Variants in GCN1 observed in about 807,000 individuals in gnomAD.
GCN1 encodes the protein stalled ribosome sensor GCN1.
GCN1 carries 90 observed loss-of-function variants against 288.4 expected under a neutral mutation model. That is an observed-to-expected ratio of 0.31 (90% CI 0.26 to 0.37). The LOEUF (loss-of-function observed/expected upper bound fraction) is 0.37, where lower values mean the gene tolerates loss of function less well. Ranked by LOEUF, GCN1 falls within the 10% of genes least tolerant of loss-of-function variation. The pLI is 1.00. For missense variants in GCN1, 2,586 were observed against 3,419.9 expected (o/e 0.76, Z 6.08); for synonymous variants, 1,386 against 1,420.2 (o/e 0.98, Z 0.54).
Position 120,178,872 on chromosome 12 carries a change from G to A in GCN1, c.505C>T (p.Leu169Phe), listed in dbSNP as rs896344337. The A allele has an allele frequency of 1.2e-6, 2 of 1,614,032 alleles. No homozygotes were observed. Among genetic ancestry groups the A allele is most frequent in the African/African-American group, 1.3e-5 (1 of 74,944 alleles). ...KHAVDGAVKK[L>F]TKLWKENPGL... ...GTCACCTCTTTCCACAGCTTCGTGA[G>A]TTTCTTCACAGCACCATCCACGGCG... Residue 169 changes from leucine (L) to phenylalanine (F), a missense_variant, in exon 6 of 58, where the codon CTC (leucine) becomes TTC (phenylalanine). Around this residue, in one of 8 missense-constraint regions of GCN1, gnomAD observed 913 missense variants for 1,107.0 expected, o/e 0.82. Coordinates refer to ENST00000300648, the MANE Select transcript of GCN1 (RefSeq NM_006836.2).
rs776782427 is a variant in GCN1, at chr12:120,158,038, A to G, written c.2906-8T>C. 1.2e-6 allele frequency: 2 copies of G among 1,613,096 alleles called. No homozygotes were observed. Among genetic ancestry groups the G allele is most frequent in the Non-Finnish European group, 1.7e-6 (2 of 1,179,502 alleles). On this transcript the variant is annotated splice_polypyrimidine_tract_variant and splice_region_variant and intron_variant, in intron 25 of 57. Coordinates refer to ENST00000300648, the MANE Select transcript of GCN1 (RefSeq NM_006836.2). The surrounding 1 kb of genome is among the most constrained non-coding windows in gnomAD (Gnocchi z 4.3). ...CGGACAAGGGCGCAGCACCTGTGAGAGCGAGAAGCAGATAAGATTCTGCAG... is the reference window on the plus strand; with the variant it reads ...CGGACAAGGGCGCAGCACCTGTGAGGGCGAGAAGCAGATAAGATTCTGCAG...
intron 1 of GCN1, among the ~76,000 whole-genome samples, chr12:120,194,382 T>G (rs1056041469): frequency 6.6e-6 from 1 of 152,194 alleles, no homozygotes; most frequent in Admixed American, 6.5e-5. Flanking sequence ...AGAAAAGAAG[T>G]AGAGGCTCGG....
chr12:120,153,780 C>T lies in GCN1; in HGVS notation c.3831G>A (p.Leu1277=). Residue 1277 remains leucine, a synonymous_variant, in exon 32 of 58, where the codon TTG becomes TTA. Transcript: ENST00000300648. This position sits in a 1 kb window ranked among gnomAD's most constrained non-coding sequence, Gnocchi z 4.4. ...DRHPDVRKCM[L]DAALATLNTH... ...TGTTGAGCGTTGCGAGGGCTGCATC[C>T]AACATGCACTTCCGGACATCTGGGT... 6.2e-7 allele frequency: 1 copy of T among 1,614,186 alleles called. No homozygotes were observed. Among genetic ancestry groups the T allele is most frequent in the Non-Finnish European group, 8.5e-7 (1 of 1,180,008 alleles).
chr12:120,127,892 T>C lies in GCN1; in HGVS notation c.7973A>G (p.Gln2658Arg), dbSNP rs1437617345. 1 of 1,614,144 alleles carries C rather than the reference T, an allele frequency of 6.2e-7. No homozygotes were observed. The highest frequency in any genetic ancestry group is 1.7e-5 in the Admixed American group (1 of 60,036). Residue 2658 changes from glutamine to arginine, a missense_variant, in exon 58 of 58, where the codon CAG becomes CGG. Physicochemically the swap from Gln to Arg is conservative, Grantham distance 43. Transcript: ENST00000300648. ...NRRSLKKLAS[Q>R]ADSTEQVDDT... ...GTCCACCTGCTCCGTGGAGTCGGCC[T>C]GGCTGGCCAGCTTCTTCAGGGACCT...
intron 2 of GCN1, among the ~76,000 whole-genome samples, chr12:120,187,249 G>A (rs982057236): frequency 8.4e-5 from 12 of 143,122 alleles, no homozygotes; most frequent in African/African-American, 3.1e-4. Context: ...TTTCGTTCTT[G>A]TTACCCAGGC....
chr12:120,136,589 A>C lies in GCN1; in HGVS notation c.6921T>G (p.Thr2307=). Residue 2307 remains threonine (T), a synonymous_variant, in exon 51 of 58, where the codon ACT becomes ACG. Coordinates refer to ENST00000300648, the MANE Select transcript of GCN1 (RefSeq NM_006836.2). ...CCCCCAGGATGCGGATCAGAGGGCC[A>C]GTGATGCTGACCACGGAGGGCCTCA... is the stretch of plus-strand genomic sequence containing the variant. ...DALRPSVVSI[T]GPLIRILGDR... 6.2e-7 allele frequency: 1 copy of C among 1,614,108 alleles called. No homozygotes were observed. Among genetic ancestry groups the C allele is most frequent in the East Asian group, 2.2e-5 (1 of 44,904 alleles).
In GCN1 at chr12:120,148,363, C is replaced by G; in HGVS notation, c.4547-17G>C. 1 of 1,606,678 alleles carries G rather than the reference C, an allele frequency of 6.2e-7. No homozygotes were observed. Among genetic ancestry groups the G allele is most frequent in the Non-Finnish European group, 8.5e-7 (1 of 1,175,156 alleles). On this transcript the variant is annotated splice_polypyrimidine_tract_variant and intron_variant, in intron 36 of 57. Coordinates refer to ENST00000300648, the MANE Select transcript of GCN1 (RefSeq NM_006836.2). ...CCACTGACCCTGTGGATAGCAGACA[C>G]AAGCCCAGTACTGAATCACTGAGCA...
rs778567315 is a variant in GCN1 at position 120,138,751 on chromosome 12, A to T, written c.6100T>A (p.Ser2034Thr). ...AAAKTFEQLH[S>T]TIGHQALEDI... ...TCCAGAGCCTGGTGGCCGATGGTGG[A>T]ATGCAGCTGCTCGAAAGTCTTGGCT... The change falls in exon 46 of 58, where the codon TCC (serine) becomes ACC (threonine). Residue 2034 changes from serine (S) to threonine (T), a missense_variant. By Grantham distance (58) the Ser-to-Thr change is moderately conservative (BLOSUM62 1). Coordinates refer to ENST00000300648, the MANE Select transcript of GCN1 (RefSeq NM_006836.2). 6.2e-7 allele frequency: 1 copy of T among 1,614,248 alleles called. No homozygotes were observed. Among genetic ancestry groups the T allele is most frequent in the African/African-American group, 1.3e-5 (1 of 75,082 alleles).
rs567208611 is a variant in GCN1, at chr12:120,131,998, C to T, written c.7342G>A (p.Gly2448Arg). The change falls in exon 54 of 58, where the codon GGG (glycine) becomes AGG (arginine). Residue 2448 changes from glycine to arginine, a missense_variant. Around this residue, in one of 8 missense-constraint regions of GCN1, gnomAD observed 355 missense variants for 431.1 expected, o/e 0.82. Coordinates refer to ENST00000300648, the MANE Select transcript of GCN1 (RefSeq NM_006836.2). ...DEDNTRISSA[G>R]CLGELCAFLT... Reference sequence around the variant, plus strand: ...AAGGCACACAGTTCCCCTAGGCACCCGGCTGAGGAGATGCGAGTGTTGTCC... The same window carrying T: ...AAGGCACACAGTTCCCCTAGGCACCTGGCTGAGGAGATGCGAGTGTTGTCC... 5.0e-6 allele frequency: 8 copies of T among 1,598,514 alleles called. No homozygotes were observed. The highest frequency in any genetic ancestry group is 2.7e-5 in the African/African-American group (2 of 74,826).
intron 1 of GCN1, among the ~76,000 whole-genome samples, chr12:120,192,783 G>A (rs372434937): frequency 3.0e-4 from 46 of 151,536 alleles, no homozygotes; most frequent in African/African-American, 1.1e-3. Flanking sequence ...GGTGGTTCAC[G>A]CCTGTAATCC....
chr12:120,127,926 C>A lies in GCN1; in HGVS notation c.7939G>T (p.Val2647Phe). 1 of 1,614,120 alleles carries A rather than the reference C, an allele frequency of 6.2e-7. No individual in the cohort carries two copies. The highest frequency in any genetic ancestry group is 8.5e-7 in the Non-Finnish European group (1 of 1,179,976). The change falls in exon 58 of 58, where the codon GTT becomes TTT. Residue 2647 changes from valine to phenylalanine, a missense_variant. Physicochemically the swap from Val to Phe is conservative, Grantham distance 50. This residue lies in a region of GCN1 where 355 missense variants were observed against 431.1 expected (regional missense o/e 0.82). Transcript: ENST00000300648. Reference sequence around the variant, plus strand: ...AGCTTCTTCAGGGACCTTCGGTTAACCTCGTTCAGCACCTCCAAACTGGCC... The same window carrying A: ...AGCTTCTTCAGGGACCTTCGGTTAAACTCGTTCAGCACCTCCAAACTGGCC... ...DVASLEVLNE[V>F]NRRSLKKLAS...
At chr12:120,193,987 G>A (rs1161127498) in intron 1 of GCN1, among the ~76,000 whole-genome samples, 2 of 152,178 alleles carry the variant, frequency 1.3e-5, no homozygotes, top group African/African-American at 4.8e-5. Context: ...GGAGGAAAAG[G>A]TTTTCCCAGG....
At chr12:120,174,237 T>A in intron 12 of GCN1, 68 bp from the exon 13 acceptor site, 1 of 872,862 alleles carries the variant, frequency 1.1e-6, no homozygotes, top group South Asian at 1.4e-5. Flanking sequence ...TTCCCACTGC[T>A]GCCACCTCCG....
chr12:120,159,868 C>G lies in GCN1; in HGVS notation c.2706G>C (p.Leu902Phe). 1 of 1,614,206 alleles carries G rather than the reference C, an allele frequency of 6.2e-7. No individual in the cohort carries two copies. The highest frequency in any genetic ancestry group is 8.5e-7 in the Non-Finnish European group (1 of 1,180,036). Reference protein sequence around the residue: ...LAAPRIKNPFLSLAACVMPSR... With the variant: ...LAAPRIKNPFFSLAACVMPSR... ...AGGGCATGACACAGGCAGCCAAGGA[C>G]AAGAAGGGGTTCTTGATCCTGGGAG... The change falls in exon 24 of 58, where the codon TTG becomes TTC. Residue 902 changes from leucine (L) to phenylalanine (F), a missense_variant. This residue lies in a region of GCN1 where 153 missense variants were observed against 252.0 expected (regional missense o/e 0.61). Transcript: ENST00000300648.
intron 39 of GCN1, 64 bp from the exon 40 acceptor site, chr12:120,145,125 G>A: frequency 6.2e-7 from 1 of 1,601,808 alleles, no homozygotes; most frequent in Non-Finnish European, 8.6e-7. Flanking sequence ...GTAGCCACAT[G>A]GGAGCAGGAA....
intron 2 of GCN1, among the ~76,000 whole-genome samples, chr12:120,185,624 G>A (rs993712030): frequency 1.1e-4 from 17 of 152,186 alleles, no homozygotes; most frequent in Non-Finnish European, 1.8e-4. Flanking sequence ...TTTTTCAGAC[G>A]GAGTCTCACT....
At position 120,178,703 on chromosome 12, in the gene GCN1, C is replaced by T; in HGVS notation, c.582G>A (p.Gln194=). 6.2e-7 allele frequency: 1 copy of T among 1,614,206 alleles called. No individual in the cohort carries two copies. Among genetic ancestry groups the T allele is most frequent in the Non-Finnish European group, 8.5e-7 (1 of 1,180,024 alleles). ...GCAGCCCCAGCATGCCAGCATAGTTCTGGTTGGGCTCTAGGCTGAGAATGG... is the reference window on the plus strand; with the variant it reads ...GCAGCCCCAGCATGCCAGCATAGTTTTGGTTGGGCTCTAGGCTGAGAATGG... ...LSAILSLEPN[Q]NYAGMLGLLV... is the part of the protein sequence containing the mutation. The change falls in exon 7 of 58, where the codon CAG becomes CAA. Residue 194 remains glutamine (Q), a synonymous_variant. Transcript: ENST00000300648.
intron 9 of GCN1, 105 bp from the exon 10 acceptor site, chr12:120,176,322 C>A: frequency 4.1e-6 from 3 of 737,670 alleles, no homozygotes; most frequent in South Asian, 1.5e-5. Context: ...TGCTGTCTGG[C>A]CCTTCATCTC....
chr12:120,183,641 G>A lies in GCN1; in HGVS notation c.354C>T (p.Thr118=). ...CAATGCGCACCAGGAGGCAGGTCCA[G>A]GTCAAGGCCAGCAAGGCGGCAGAGC... is the stretch of plus-strand genomic sequence containing the variant. ...SSGSAALLAL[T]WTCLLVRIVF... The change falls in exon 5 of 58, where the codon ACC becomes ACT. Residue 118 remains threonine, a synonymous_variant. Transcript: ENST00000300648. The A allele has an allele frequency of 6.2e-7, 1 of 1,613,772 alleles. No individual in the cohort carries two copies. Among genetic ancestry groups the A allele is most frequent in the Non-Finnish European group, 8.5e-7 (1 of 1,179,680 alleles).
Sources: gnomAD v4.1 joint callset for allele counts (sites outside exome capture counted in the v4.1 genomes callset) on GRCh38, gnomAD v4.1.1 for gene constraint, gnomAD v4.1.1 regional missense constraint, Gnocchi (gnomAD v3.1) non-coding constraint, MANE v1.5 for transcripts, NCBI Gene and HGNC (gene_info 2026-07-23, HGNC 2026-07-21) for gene names.